Variants in MAP3K9 observed in about 807,000 individuals in gnomAD.
MAP3K9 encodes the protein mitogen-activated protein kinase kinase kinase 9, also known as mixed lineage kinase 1 (tyr and ser/thr specificity).
Under a neutral mutation model 95.8 loss-of-function variants are expected in MAP3K9, and 46 were observed. The observed-to-expected ratio is 0.48, with a 90% CI of 0.38 to 0.61. MAP3K9 has a LOEUF of 0.61. Among genes scored for constraint, MAP3K9 ranks in the 20% least tolerant of loss-of-function variants. The pLI is 0.00. For missense variants in MAP3K9, 1,296 were observed against 1,474.3 expected, an observed-to-expected ratio of 0.88 and a Z score of 1.98; for synonymous variants, 533 against 593.8, an observed-to-expected ratio of 0.90 and a Z score of 1.49.
At chr14:70,783,214 C>A (rs1200711763) in intron 2 of MAP3K9, 1 of 966,726 alleles carries the variant, frequency 1.0e-6, no homozygotes, top group Non-Finnish European at 1.2e-6. Context: ...TATAAAGCCA[C>A]AGACTCACAT....
At chr14:70,798,364 A>T (rs2139855263) in intron 2 of MAP3K9, among the ~76,000 whole-genome samples, 1 of 152,044 alleles carries the variant, frequency 6.6e-6, no homozygotes, top group African/African-American at 2.4e-5. Context: ...CAACATGATA[A>T]AAATATTAGA....
chr14:70,808,560 T>A (rs907340775), intron 1 of MAP3K9, among the ~76,000 whole-genome samples: 4 of 152,054 alleles, frequency 2.6e-5, no homozygotes, highest in Admixed American at 2.0e-4. Flanking sequence ...CCCAAGCGTC[T>A]GAAGTGCGGG....
chr14:70,736,405 G>A (rs576486111), intron 8 of MAP3K9, among the ~76,000 whole-genome samples: 1 of 152,176 alleles, frequency 6.6e-6, no homozygotes, highest in African/African-American at 2.4e-5. Flanking sequence ...GTTTTCTTTA[G>A]TCAAAAGGTA....
At chr14:70,741,378 T>C (rs1346541150) in intron 6 of MAP3K9, among the ~76,000 whole-genome samples, 5 of 152,192 alleles carry the variant, frequency 3.3e-5, no homozygotes, top group African/African-American at 7.2e-5. Flanking sequence ...GCATGAGCCA[T>C]TGCACCTGGC....
At chr14:70,743,781 G>A (rs1289491568) in intron 5 of MAP3K9, among the ~76,000 whole-genome samples, 1 of 152,204 alleles carries the variant, frequency 6.6e-6, no homozygotes, top group Non-Finnish European at 1.5e-5. Flanking sequence ...TTCAACCATT[G>A]TGGAAGACAG....
intron 5 of MAP3K9, among the ~76,000 whole-genome samples, chr14:70,742,911 TTATATA>T (rs3081458): frequency 0.24 from 34,922 of 142,912 alleles, 4,576 homozygotes; most frequent in South Asian, 0.36. Context: ...TTATATATAT[TTATATA>T]TATATATATA....
chr14:70,809,294 C>T lies in MAP3K9; in HGVS notation c.-123G>A. On this transcript the variant is annotated 5_prime_UTR_variant, in exon 1 of 12. Coordinates refer to ENST00000554752, the MANE Select transcript of MAP3K9 (RefSeq NM_001284230.2). Reference sequence around the variant, plus strand: ...CCAACGACGGCGGCCGCAGGTAGGGCCCGGGCTGGCAGGGCTGGGAGAGCC... The same window carrying T: ...CCAACGACGGCGGCCGCAGGTAGGGTCCGGGCTGGCAGGGCTGGGAGAGCC... 1 of 1,181,404 alleles carries T rather than the reference C, an allele frequency of 8.5e-7. No individual in the cohort carries two copies. The highest frequency in any genetic ancestry group is 1.1e-6 in the Non-Finnish European group (1 of 940,124). 73.2% of individuals were successfully genotyped at this position (1,181,404 alleles called of 1,614,324 possible). A position where few individuals can be genotyped will look rare whatever the true frequency, so the allele number is the denominator to read the frequency against.
intron 2 of MAP3K9, among the ~76,000 whole-genome samples, chr14:70,779,063 GAGTCC>G (rs1449204662): frequency 2.4e-4 from 37 of 152,192 alleles, no homozygotes; most frequent in African/African-American, 8.7e-4. Flanking sequence ...GGAATAACGT[GAGTCC>G]AGGTCCAAGA....
rs2053837258 is a variant in MAP3K9, at chr14:70,727,675, G to C, written c.*2705C>G. 6.6e-6 allele frequency: 1 copy of C among 152,336 alleles called. No homozygotes were observed. Among genetic ancestry groups the C allele is most frequent in the Non-Finnish European group, 1.5e-5 (1 of 68,176 alleles). 9.4% of individuals were successfully genotyped at this position (152,336 alleles called of 1,614,324 possible). On this transcript the variant is annotated 3_prime_UTR_variant, in exon 12 of 12. Transcript: ENST00000554752. ...GTGCAGCAGTCAGGGGCCCATCAGAGACCAGGTGTGTAGGAGCTGAGAGAT... is the reference window on the plus strand; with the variant it reads ...GTGCAGCAGTCAGGGGCCCATCAGACACCAGGTGTGTAGGAGCTGAGAGAT...
At chr14:70,731,436 C>T (rs1260400396) in intron 11 of MAP3K9, among the ~76,000 whole-genome samples, 1 of 152,014 alleles carries the variant, frequency 6.6e-6, no homozygotes, top group Non-Finnish European at 1.5e-5. Context: ...GTGACAGAAA[C>T]TTTGTCTCAA....
In MAP3K9 at chr14:70,723,781, C is replaced by A. The variant is rs563725068; in HGVS notation, c.*6599G>T. 2 of 152,204 alleles carry A rather than the reference C, an allele frequency of 1.3e-5. No homozygotes were observed. Among genetic ancestry groups the A allele is most frequent in the East Asian group, 3.9e-4 (2 of 5,180 alleles). The allele number at this position is 152,204 out of a possible 1,614,324, so 9.4% of individuals were successfully genotyped here. A position where few individuals can be genotyped will look rare whatever the true frequency, so the allele number is the denominator to read the frequency against. On this transcript the variant is annotated 3_prime_UTR_variant, in exon 12 of 12. Transcript: ENST00000554752. ...GAATCACTAGGACAGCACCGCCCCC[C>A]ACGTGGAAAAAAATTAATGATTTCT...
chr14:70,779,616 C>A (rs1170935816), intron 2 of MAP3K9, among the ~76,000 whole-genome samples: 1 of 152,206 alleles, frequency 6.6e-6, no homozygotes, highest in Non-Finnish European at 1.5e-5. Flanking sequence ...TACCTCTAGG[C>A]TAACATTCAC....
At chr14:70,769,309 T>TCTCTCTCCACCACCCCCTTTC (rs2054499904) in intron 2 of MAP3K9, among the ~76,000 whole-genome samples, 1 of 152,228 alleles carries the variant, frequency 6.6e-6, no homozygotes. Flanking sequence ...GTTCCATGTG[T>TCTCTCTCCACCACCCCCTTTC]CTCTCTCCAC....
chr14:70,766,493 A>G (rs2054457777), intron 2 of MAP3K9, among the ~76,000 whole-genome samples: 2 of 152,228 alleles, frequency 1.3e-5, no homozygotes, highest in African/African-American at 4.8e-5. Flanking sequence ...ATAACCACGC[A>G]ATACATTTTT....
intron 2 of MAP3K9, among the ~76,000 whole-genome samples, chr14:70,764,954 CAA>C (rs1250664988): frequency 6.6e-6 from 1 of 152,110 alleles, no homozygotes; most frequent in East Asian, 1.9e-4. Context: ...TCCATTGTTA[CAA>C]AAGAGTTAAG....
intron 2 of MAP3K9, among the ~76,000 whole-genome samples, chr14:70,789,738 T>C (rs947743271): frequency 9.2e-5 from 14 of 152,180 alleles, no homozygotes; most frequent in Non-Finnish European, 1.9e-4. Context: ...TCAAGTTTCC[T>C]ATAGAGAGCA....
At chr14:70,803,354 A>C (rs1035624384) in intron 1 of MAP3K9, among the ~76,000 whole-genome samples, 4 of 151,428 alleles carry the variant, frequency 2.6e-5, no homozygotes, top group Non-Finnish European at 4.4e-5. Context: ...AAAAAAAAAA[A>C]AAAAAAAACT....
intron 7 of MAP3K9, 186 bp downstream of exon 7, chr14:70,739,856 T>C (rs2054043047): frequency 1.3e-6 from 2 of 1,529,440 alleles, no homozygotes; most frequent in Non-Finnish European, 1.8e-6. Flanking sequence ...AGTAGTAAAG[T>C]TAATGGAGAG....
Position 70,730,423 on chromosome 14 carries a change from T to C in MAP3K9, c.3272A>G (p.His1091Arg). The C allele has an allele frequency of 6.2e-7, 1 of 1,614,102 alleles. No individual in the cohort carries two copies. Among genetic ancestry groups the C allele is most frequent in the Non-Finnish European group, 8.5e-7 (1 of 1,179,984 alleles). ...CTGGATCTCATAAGGGGCAGGCCTG[T>C]GTGTGTTCAGTTCCGCTCTGCACAG... is the stretch of plus-strand genomic sequence containing the variant. ...VPLCRAELNT[H>R]RPAPYEIQQE... is the part of the protein sequence containing the mutation. Residue 1091 changes from histidine (H) to arginine (R), a missense_variant, in exon 12 of 12, where the codon CAC (histidine) becomes CGC (arginine). Physicochemically the swap from His to Arg is conservative, Grantham distance 29. Coordinates refer to ENST00000554752, the MANE Select transcript of MAP3K9 (RefSeq NM_001284230.2).
Sources: allele counts gnomAD v4.1 joint callset (sites outside exome capture counted in the v4.1 genomes callset), GRCh38; gene constraint gnomAD v4.1.1; transcripts MANE v1.5; gene names NCBI Gene and HGNC (gene_info 2026-07-23, HGNC 2026-07-21).